RANBP2: variants seen among roughly 807,000 people sequenced by gnomAD.
The protein encoded by RANBP2 is RAN binding protein 2.
RANBP2 carries 57 observed loss-of-function variants against 303.6 expected under a neutral mutation model. That is an observed-to-expected ratio of 0.19 (90% confidence interval 0.15 to 0.23). The LOEUF (loss-of-function observed/expected upper bound fraction) is 0.23. Ranked by LOEUF, RANBP2 falls within the 10% of genes least tolerant of loss-of-function variation. The pLI, the probability that RANBP2 is intolerant of heterozygous loss-of-function variation, is 1.00. For missense variants in RANBP2, 3,138 were observed against 3,780.8 expected (o/e 0.83, Z 4.46); for synonymous variants, 1,167 against 1,301.5 (o/e 0.90, Z 2.23).
At chr2:108,744,335 C>T (rs891634445) in intron 7 of RANBP2, among the ~76,000 whole-genome samples, 1 of 151,450 alleles carries the variant, frequency 6.6e-6, no homozygotes, top group Non-Finnish European at 1.5e-5. Context: ...AACCAGGAGG[C>T]GGAGGTTGCA....
the RANBP2 span, among the ~76,000 whole-genome samples, chr2:108,810,788 C>T: frequency 6.6e-6 from 1 of 152,166 alleles, no homozygotes; most frequent in African/African-American, 2.4e-5. Flanking sequence ...TTTAAAAGTA[C>T]AGTTCAGCAG....
At chr2:108,826,128 G>A in the RANBP2 span, among the ~76,000 whole-genome samples, 62 of 152,146 alleles carry the variant, frequency 4.1e-4, no homozygotes, top group East Asian at 0.012. Flanking sequence ...GTTTTTTGTA[G>A]GAGGTTTTGT....
At chr2:109,726,194 A>G in the RANBP2 span, among the ~76,000 whole-genome samples, 1 of 151,398 alleles carries the variant, frequency 6.6e-6, no homozygotes. Flanking sequence ...GGATCACTTG[A>G]GGTCAGAAAT....
At chr2:109,423,452 A>G in the RANBP2 span, among the ~76,000 whole-genome samples, 3 of 152,180 alleles carry the variant, frequency 2.0e-5, no homozygotes, top group Admixed American at 2.0e-4. Flanking sequence ...CAGTCCCCAC[A>G]TTCTGGGACA....
At chr2:108,881,069 A>C in the RANBP2 span, among the ~76,000 whole-genome samples, 1 of 152,212 alleles carries the variant, frequency 6.6e-6, no homozygotes, top group Non-Finnish European at 1.5e-5. Flanking sequence ...GGGAATTGCA[A>C]ATGAACTAGA....
the RANBP2 span, among the ~76,000 whole-genome samples, chr2:108,880,768 G>A: frequency 5.5e-4 from 83 of 152,258 alleles, no homozygotes; most frequent in African/African-American, 1.9e-3. Context: ...AGACTCCTCT[G>A]AAAACATTAC....
the RANBP2 span, among the ~76,000 whole-genome samples, chr2:109,359,431 C>T: frequency 7.9e-5 from 12 of 152,240 alleles, no homozygotes; most frequent in Admixed American, 5.2e-4. Flanking sequence ...TTTAGTTCTC[C>T]TTTGATTTCT....
chr2:108,923,507 G>T, the RANBP2 span: 6 of 1,545,770 alleles, frequency 3.9e-6, no homozygotes, highest in Non-Finnish European at 5.4e-6. Flanking sequence ...CAGCACACAG[G>T]CAGGGACTGG....
chr2:109,377,301 G>A, the RANBP2 span, among the ~76,000 whole-genome samples: 5 of 152,334 alleles, frequency 3.3e-5, no homozygotes, highest in East Asian at 3.9e-4. Flanking sequence ...GCTGGAGCAC[G>A]TGGTGAGCAA....
the RANBP2 span, among the ~76,000 whole-genome samples, chr2:109,059,836 G>C: frequency 1.4e-3 from 76 of 54,058 alleles, no homozygotes; most frequent in African/African-American, 3.2e-3. Flanking sequence ...TTGGTGGGTG[G>C]GGGGGATGTG....
chr2:109,524,472 C>T, the RANBP2 span, among the ~76,000 whole-genome samples: 1 of 90,698 alleles, frequency 1.1e-5, no homozygotes, highest in Admixed American at 1.1e-4. Flanking sequence ...AAAAACAAAA[C>T]AACACTGGGC....
chr2:108,743,090 A>G (rs1023192576), intron 7 of RANBP2, among the ~76,000 whole-genome samples: 2 of 151,934 alleles, frequency 1.3e-5, no homozygotes, highest in East Asian at 1.9e-4. Context: ...CGCCCTGCCA[A>G]TAGTTCTTAT....
At chr2:109,515,306 G>A in the RANBP2 span, among the ~76,000 whole-genome samples, 146 of 152,226 alleles carry the variant, frequency 9.6e-4, 1 homozygote, top group Non-Finnish European at 1.5e-3. Context: ...GAGGAGGGAG[G>A]GCCTACAGGC....
intron 12 of RANBP2, among the ~76,000 whole-genome samples, chr2:108,752,607 A>G (rs1012251073): frequency 2.9e-5 from 4 of 137,250 alleles, no homozygotes; most frequent in Admixed American, 7.3e-5. Flanking sequence ...CCCCGTCTCT[A>G]CTAAAAATAC....
chr2:109,042,150 G>T, the RANBP2 span, among the ~76,000 whole-genome samples: 2 of 152,088 alleles, frequency 1.3e-5, no homozygotes, highest in African/African-American at 4.8e-5. Flanking sequence ...CATTAAATAA[G>T]TCACTTCTTT....
the RANBP2 span, among the ~76,000 whole-genome samples, chr2:109,174,216 C>T: frequency 2.3e-4 from 35 of 152,254 alleles, no homozygotes; most frequent in East Asian, 5.8e-3. Flanking sequence ...TTTACTGTTT[C>T]GAAGAGTAAG....
At chr2:109,169,714 CTATA>C in the RANBP2 span, among the ~76,000 whole-genome samples, 1 of 150,876 alleles carries the variant, frequency 6.6e-6, no homozygotes, top group African/African-American at 2.5e-5. Context: ...CTATATATAT[CTATA>C]TATATAACCA....
chr2:109,395,078 A>G, the RANBP2 span, among the ~76,000 whole-genome samples: 1 of 152,264 alleles, frequency 6.6e-6, no homozygotes, highest in East Asian at 1.9e-4. Flanking sequence ...TGTGAAGACA[A>G]TGAAAACTTC....
At chr2:108,796,467 A>G in the RANBP2 span, among the ~76,000 whole-genome samples, 6 of 152,300 alleles carry the variant, frequency 3.9e-5, no homozygotes, top group East Asian at 1.2e-3. Flanking sequence ...TGATCCAGCA[A>G]TCCCACTCCT....
Sources: gnomAD v4.1 joint callset for allele counts (sites outside exome capture counted in the v4.1 genomes callset) on GRCh38, gnomAD v4.1.1 for gene constraint, MANE v1.5 for transcripts, NCBI Gene and HGNC (gene_info 2026-07-23, HGNC 2026-07-21) for gene names.